SFI1: variants seen among roughly 807,000 people sequenced by gnomAD.
SFI1 encodes SFI1 centrin binding protein.
SFI1 carries 195 observed loss-of-function variants against 207.5 expected under a neutral mutation model. The observed-to-expected ratio is 0.94, with a 90% CI of 0.84 to 1.06. SFI1 has a LOEUF of 1.06. SFI1 is among the 50% of genes least tolerant of loss of function. SFI1 has a pLI of 0.00. For missense variants in SFI1, 1,634 were observed against 1,588.0 expected (o/e 1.03, Z -0.49); for synonymous variants, 630 against 598.9 (o/e 1.05, Z -0.76).
At chr22:31,594,854 CAAAA>C (rs67157514) in intron 15 of SFI1, among the ~76,000 whole-genome samples, 26 of 76,774 alleles carry the variant, frequency 3.4e-4, no homozygotes, top group African/African-American at 1.2e-3. Context: ...GACTCTGTCT[CAAAA>C]AAAAAAAAAA....
At chr22:31,573,003 C>G in intron 8 of SFI1, 55 bp from the exon 9 acceptor site, 1 of 1,584,928 alleles carries the variant, frequency 6.3e-7, no homozygotes, top group Non-Finnish European at 8.6e-7. Flanking sequence ...TCCACCTGTA[C>G]TTCACCCTGT....
At position 31,615,150 on chromosome 22, in the gene SFI1, C is replaced by T. The variant is rs2071186571; in HGVS notation, c.3171C>T (p.His1057=). ...LAEAPTALVP[H]SPLPGALSSA... Reference sequence around the variant, plus strand: ...AGGCCCCGACAGCACTGGTCCCACACAGCCCCCTGCCTGGGGCCCTGTCAA... The same window carrying T: ...AGGCCCCGACAGCACTGGTCCCACATAGCCCCCTGCCTGGGGCCCTGTCAA... The change falls in exon 29 of 33, where the codon CAC becomes CAT. Residue 1057 remains histidine (H), a synonymous_variant. Coordinates refer to ENST00000400288, the MANE Select transcript of SFI1 (RefSeq NM_001007467.3). 6 of 1,607,598 alleles carry T rather than the reference C, an allele frequency of 3.7e-6. No individual in the cohort carries two copies. The highest frequency in any genetic ancestry group is 1.3e-5 in the African/African-American group (1 of 74,670).
At chr22:31,582,218 A>ATATG (rs1556128529) in intron 12 of SFI1, among the ~76,000 whole-genome samples, 4 of 29,152 alleles carry the variant, frequency 1.4e-4, no homozygotes, top group African/African-American at 4.1e-4. Context: ...ATATATATAT[A>ATATG]TATATATATA....
chr22:31,618,016 G>A lies in SFI1; in HGVS notation c.3513-99G>A, dbSNP rs111885365. Reference sequence around the variant, plus strand: ...CCTACCAGACCACCTCTCTCCACCCGATACCCGCATCAGAATTAGCTGAGG... The same window carrying A: ...CCTACCAGACCACCTCTCTCCACCCAATACCCGCATCAGAATTAGCTGAGG... On this transcript the variant is annotated intron_variant, in intron 31 of 32. Coordinates refer to ENST00000400288, the MANE Select transcript of SFI1 (RefSeq NM_001007467.3). The A allele has an allele frequency of 4.1e-3, 5,480 of 1,351,106 alleles. 62 individuals carry two copies. The highest frequency in any genetic ancestry group is 0.031 in the Middle Eastern group (116 of 3,738). 83.7% of individuals were successfully genotyped at this position (1,351,106 alleles called of 1,614,324 possible).
At chr22:31,500,053 C>T (rs1055836862) in intron 1 of SFI1, among the ~76,000 whole-genome samples, 1 of 147,450 alleles carries the variant, frequency 6.8e-6, no homozygotes, top group Non-Finnish European at 1.5e-5. Flanking sequence ...GCATTACAGG[C>T]TCATGCCTGT....
chr22:31,502,536 G>A (rs1285537813), intron 1 of SFI1, among the ~76,000 whole-genome samples: 1 of 151,944 alleles, frequency 6.6e-6, no homozygotes, highest in Non-Finnish European at 1.5e-5. Context: ...ACCATGCCCG[G>A]CTAATTTTTG....
chr22:31,565,440 G>C (rs544434007), intron 8 of SFI1, among the ~76,000 whole-genome samples: 27 of 150,470 alleles, frequency 1.8e-4, no homozygotes, highest in African/African-American at 6.4e-4. Flanking sequence ...GCCTACACCT[G>C]AATACTAGGA....
intron 4 of SFI1, among the ~76,000 whole-genome samples, chr22:31,534,949 G>T (rs1288029801): frequency 5.6e-5 from 8 of 142,198 alleles, no homozygotes; most frequent in African/African-American, 1.1e-4. Context: ...TCTCAGCTCA[G>T]TGCAACCTCC....
intron 5 of SFI1, among the ~76,000 whole-genome samples, chr22:31,547,755 G>T (rs1468567581): frequency 2.0e-5 from 3 of 151,538 alleles, no homozygotes; most frequent in Non-Finnish European, 4.4e-5. Flanking sequence ...TAGTAGCTGG[G>T]ATTACAGGCA....
At chr22:31,508,765 C>T (rs957339434) in intron 2 of SFI1, among the ~76,000 whole-genome samples, 5 of 152,094 alleles carry the variant, frequency 3.3e-5, no homozygotes, top group South Asian at 2.1e-4. Context: ...CACCTTATAA[C>T]GTGGCAGCCT....
At chr22:31,569,897 A>G (rs1026872582) in intron 8 of SFI1, among the ~76,000 whole-genome samples, 16 of 150,872 alleles carry the variant, frequency 1.1e-4, no homozygotes, top group African/African-American at 3.7e-4. Flanking sequence ...GTAGTGAGCT[A>G]TGATTGTACC....
In SFI1 at chr22:31,613,492, G is replaced by T. The variant is rs780537254; in HGVS notation, c.2704G>T (p.Ala902Ser). The T allele has an allele frequency of 1.4e-5, 22 of 1,596,642 alleles. No individual in the cohort carries two copies. Among genetic ancestry groups the T allele is most frequent in the Non-Finnish European group, 1.9e-5 (22 of 1,175,700 alleles). The change falls in exon 26 of 33, where the codon GCC becomes TCC. Residue 902 changes from alanine to serine, a missense_variant. Transcript: ENST00000400288. Reference sequence around the variant, plus strand: ...CCTGCGCTTTGCAGCCAGCATGAAGGCCTCCCGGCAGCAGCTGCAGGCCCA... The same window carrying T: ...CCTGCGCTTTGCAGCCAGCATGAAGTCCTCCCGGCAGCAGCTGCAGGCCCA... ...RLLRFAASMK[A>S]SRQQLQAQQQ...
intron 6 of SFI1, among the ~76,000 whole-genome samples, chr22:31,551,074 C>T (rs529450883): frequency 2.4e-4 from 37 of 152,294 alleles, no homozygotes; most frequent in African/African-American, 8.4e-4. Flanking sequence ...TTGCAATCAT[C>T]GTTGCATTGC....
chr22:31,539,606 C>A (rs768511418), intron 4 of SFI1, among the ~76,000 whole-genome samples: 4 of 151,948 alleles, frequency 2.6e-5, no homozygotes, highest in Non-Finnish European at 4.4e-5. Flanking sequence ...TTCTAAGATC[C>A]TTTTTTCTTT....
chr22:31,507,786 A>C (rs927345045), intron 1 of SFI1, among the ~76,000 whole-genome samples: 1 of 152,320 alleles, frequency 6.6e-6, no homozygotes, highest in East Asian at 1.9e-4. Context: ...AATCAAAGCC[A>C]CAATGAGGCT....
chr22:31,604,221 C>A (rs770236443), intron 18 of SFI1, 88 bp from the exon 19 acceptor site: 5 of 983,466 alleles, frequency 5.1e-6, no homozygotes, highest in South Asian at 1.4e-5. Flanking sequence ...TACACTCACA[C>A]AGATGATGTA....
chr22:31,530,363 G>A (rs2147353353), intron 3 of SFI1, among the ~76,000 whole-genome samples: 1 of 147,320 alleles, frequency 6.8e-6, no homozygotes, highest in African/African-American at 2.5e-5. Flanking sequence ...AGTGGCGGGT[G>A]CCTGTGGTCC....
In SFI1 at chr22:31,583,975, A is replaced by G. The variant is rs566377157; in HGVS notation, c.1346+3A>G. ...CATGCTGCCTGGGACCACTACAGGT[A>G]GGGACTCTGGTTTCATCCCTGGCTC... On this transcript the variant is annotated splice_donor_region_variant and intron_variant, in intron 13 of 32. Coordinates refer to ENST00000400288, the MANE Select transcript of SFI1 (RefSeq NM_001007467.3). The G allele has an allele frequency of 1.9e-6, 3 of 1,612,766 alleles. No homozygotes were observed. The highest frequency in any genetic ancestry group is 2.2e-5 in the East Asian group (1 of 44,886).
intron 8 of SFI1, 62 bp downstream of exon 8, chr22:31,561,454 A>G (rs1341524024): frequency 4.2e-6 from 6 of 1,441,032 alleles, no homozygotes; most frequent in South Asian, 1.2e-5. Context: ...TCTCACCCAC[A>G]GAGGGCAGTG....
Sources: gnomAD v4.1 joint callset for allele counts (sites outside exome capture counted in the v4.1 genomes callset) on GRCh38, gnomAD v4.1.1 for gene constraint, MANE v1.5 for transcripts, NCBI Gene and HGNC (gene_info 2026-07-23, HGNC 2026-07-21) for gene names.